Variants in ATAD2B observed in about 807,000 individuals in gnomAD.
ATAD2B encodes ATPase family AAA domain containing 2B.
In ATAD2B, 40 loss-of-function variants were observed where a neutral mutation model predicts 167.6. The observed-to-expected ratio is 0.24, with a 90% CI of 0.19 to 0.31. The LOEUF (loss-of-function observed/expected upper bound fraction) is 0.31, where lower values mean the gene tolerates loss of function less well. Ranked by LOEUF, ATAD2B falls within the 10% of genes least tolerant of loss-of-function variation. The probability of loss-of-function intolerance (pLI) is 1.00; values close to 1 mark genes in which losing one functional copy is unlikely to be tolerated. For missense variants in ATAD2B, 1,242 were observed against 1,757.2 expected (o/e 0.71, Z 5.24); for synonymous variants, 579 against 596.5 (o/e 0.97, Z 0.43).
chr2:23,842,267 C>T (rs898576443), intron 13 of ATAD2B, among the ~76,000 whole-genome samples: 2 of 152,038 alleles, frequency 1.3e-5, no homozygotes, highest in African/African-American at 4.8e-5. Flanking sequence ...AGGGATTATA[C>T]ATTACGTTTC....
At chr2:23,918,019 C>A (rs911914131) in intron 1 of ATAD2B, among the ~76,000 whole-genome samples, 2 of 151,634 alleles carry the variant, frequency 1.3e-5, no homozygotes, top group African/African-American at 4.8e-5. Flanking sequence ...TGAACTCCAG[C>A]CTGGGCAACA....
chr2:23,708,156 C>G, the ATAD2B span: 1 of 152,244 alleles, frequency 6.6e-6, no homozygotes. Context: ...ACACAAAATT[C>G]CAGTTCTAAC....
downstream of ATAD2B, among the ~76,000 whole-genome samples, chr2:23,745,422 AAAGGG>A (rs373427651): frequency 0.01 from 874 of 84,796 alleles, 25 homozygotes; most frequent in African/African-American, 0.032. Flanking sequence ...GGAAGGAAGG[AAAGGG>A]AAGGGAAGGG....
intron 18 of ATAD2B, among the ~76,000 whole-genome samples, chr2:23,802,379 A>G (rs888118293): frequency 6.6e-6 from 1 of 152,004 alleles, no homozygotes; most frequent in Non-Finnish European, 1.5e-5. Context: ...ATCTCTTGTG[A>G]AAAGAAGGCA....
rs536039900 is a variant in ATAD2B, at chr2:23,888,084, T to A, written c.419-99A>T. The stretch of plus-strand genomic sequence containing the variant: ...ATTACTTTTAAAAGACTACAAAAAA[T>A]TTAATATAACTTTTTAAATGGCTTT... On this transcript the variant is annotated intron_variant, in intron 3 of 27. Transcript: ENST00000238789. 37 of 1,036,494 alleles carry A rather than the reference T, an allele frequency of 3.6e-5. No homozygotes were observed. In the South Asian group the frequency reaches 8.2e-4, roughly 23 times the overall value. 64.2% of individuals were successfully genotyped at this position (1,036,494 alleles called of 1,614,324 possible). A position where few individuals can be genotyped will look rare whatever the true frequency, so the allele number is the denominator to read the frequency against.
chr2:23,831,893 T>C (rs975258247), intron 14 of ATAD2B, among the ~76,000 whole-genome samples: 3 of 152,186 alleles, frequency 2.0e-5, no homozygotes, highest in African/African-American at 7.2e-5. Context: ...TCCTTCAATA[T>C]CATATCACCT....
chr2:23,782,004 C>A (rs770508364), intron 22 of ATAD2B, among the ~76,000 whole-genome samples: 1 of 151,940 alleles, frequency 6.6e-6, no homozygotes, highest in Non-Finnish European at 1.5e-5. Context: ...TTTGTAGAGG[C>A]GAGGTTTTGC....
the ATAD2B span, among the ~76,000 whole-genome samples, chr2:23,688,349 A>G: frequency 2.6e-5 from 4 of 152,028 alleles, no homozygotes; most frequent in Admixed American, 2.6e-4. Context: ...TCCCTCACCC[A>G]CCACTGCCCA....
chr2:23,870,618 G>A (rs1695813555), intron 8 of ATAD2B, among the ~76,000 whole-genome samples: 1 of 120,782 alleles, frequency 8.3e-6, no homozygotes, highest in Admixed American at 1.0e-4. Context: ...CAAATTTAGC[G>A]AATATCGGTC....
At chr2:23,697,449 A>AGAGC in the ATAD2B span, 1 of 152,388 alleles carries the variant, frequency 6.6e-6, no homozygotes, top group African/African-American at 2.4e-5. Flanking sequence ...TAAGATTGCC[A>AGAGC]GAGCCCCTCC....
At chr2:23,866,529 T>A (rs904593476) in intron 10 of ATAD2B, among the ~76,000 whole-genome samples, 10 of 151,638 alleles carry the variant, frequency 6.6e-5, no homozygotes, top group Non-Finnish European at 1.0e-4. Flanking sequence ...AAGAAAAAAA[T>A]TTTTTAAAGA....
the ATAD2B span, among the ~76,000 whole-genome samples, chr2:23,702,480 ATAAATTCTCCCAAAATG>A: frequency 6.6e-6 from 1 of 152,222 alleles, no homozygotes; most frequent in Non-Finnish European, 1.5e-5. Flanking sequence ...TGTCTGCACT[ATAAATTCTCCCAAAATG>A]CCACCTTTGC....
intron 1 of ATAD2B, among the ~76,000 whole-genome samples, chr2:23,910,983 T>A (rs572716024): frequency 9.7e-4 from 148 of 152,094 alleles, no homozygotes; most frequent in African/African-American, 3.5e-3. Context: ...TCCCAGCACT[T>A]TGGGAGGCCA....
Position 23,775,989 on chromosome 2 carries a change from G to A in ATAD2B, c.3133+6880C>T, listed in dbSNP as rs142511831. Among the ~76,000 whole-genome samples, 1,484 of 152,246 alleles carry A rather than the reference G, an allele frequency of 9.7e-3. 14 individuals are homozygous for A. The highest frequency in any genetic ancestry group is 0.037 in the Middle Eastern group (11 of 294). ...AAATTAGCTGGGTGTGATGGTACAC[G>A]CCTGTAATCCCAGCTACTGGGGAGG... On this transcript the variant is annotated intron_variant, in intron 22 of 27. Coordinates refer to ENST00000238789, the MANE Select transcript of ATAD2B (RefSeq NM_017552.4).
At chr2:23,705,356 T>A in the ATAD2B span, among the ~76,000 whole-genome samples, 1 of 152,100 alleles carries the variant, frequency 6.6e-6, no homozygotes, top group Non-Finnish European at 1.5e-5. Flanking sequence ...CCAGGTGTGG[T>A]GGCAGGCGCC....
At chr2:23,844,812 C>T (rs577787574) in intron 13 of ATAD2B, among the ~76,000 whole-genome samples, 1 of 151,576 alleles carries the variant, frequency 6.6e-6, no homozygotes, top group South Asian at 2.1e-4. Context: ...GTGGGGACGA[C>T]AGAAAAAATA....
chr2:23,752,142 C>CT, intron 27 of ATAD2B, 55 bp from the exon 28 acceptor site: 1 of 1,268,450 alleles, frequency 7.9e-7, no homozygotes, highest in Non-Finnish European at 1.1e-6. Context: ...AAAAGTGTTC[C>CT]TCATTACGGA....
At chr2:23,734,210 G>A in the ATAD2B span, among the ~76,000 whole-genome samples, 1 of 152,106 alleles carries the variant, frequency 6.6e-6, no homozygotes, top group Non-Finnish European at 1.5e-5. Flanking sequence ...AGGCTGGATT[G>A]CAGTGGCGCA....
chr2:23,878,024 A>AAAAAAAAAAAAAAAAG (rs1697235431), intron 7 of ATAD2B, among the ~76,000 whole-genome samples: 4 of 143,614 alleles, frequency 2.8e-5, no homozygotes, highest in East Asian at 4.2e-4. Context: ...GAAAAAAAAA[A>AAAAAAAAAAAAAAAAG]AAAAAAAAAA....
Sources: allele counts gnomAD v4.1 joint callset (sites outside exome capture counted in the v4.1 genomes callset), GRCh38; gene constraint gnomAD v4.1.1; transcripts MANE v1.5; gene names NCBI Gene and HGNC (gene_info 2026-07-23, HGNC 2026-07-21).